The following CTNNA3 variants were observed in gnomAD, a reference collection of about 807,000 sequenced individuals.
CTNNA3 encodes catenin alpha 3, also known as catenin alpha-3.
CTNNA3 carries 76 observed loss-of-function variants against 95.7 expected under a neutral mutation model. The ratio of observed to expected loss-of-function variants is 0.79; its 90% CI spans 0.66 to 0.96. The LOEUF is 0.96. Among genes scored for constraint, CTNNA3 ranks in the 40% least tolerant of loss-of-function variants. The pLI, the probability that CTNNA3 is intolerant of heterozygous loss-of-function variation, is 0.00. For synonymous variants in CTNNA3, 431 were observed against 374.4 expected (o/e 1.15, Z -1.74); for missense variants, 1,191 against 1,089.8 (o/e 1.09, Z -1.31).
intron 12 of CTNNA3, among the ~76,000 whole-genome samples, chr10:66,314,010 A>G (rs1286275213): frequency 6.6e-6 from 1 of 152,202 alleles, no homozygotes; most frequent in Non-Finnish European, 1.5e-5. Flanking sequence ...TGGCCCAGAA[A>G]CTTTAGGTCT....
At chr10:67,403,248 A>C (rs1214298692) in intron 5 of CTNNA3, 1 of 152,322 alleles carries the variant, frequency 6.6e-6, no homozygotes, top group African/African-American at 2.4e-5. Context: ...AGGACTTCCC[A>C]ATAGGGACCT....
intron 7 of CTNNA3, among the ~76,000 whole-genome samples, chr10:67,027,625 C>A (rs1853474412): frequency 6.6e-6 from 1 of 151,788 alleles, no homozygotes; most frequent in African/African-American, 2.4e-5. Context: ...TTAGTAGAGA[C>A]AGGGTTTCAC....
intron 14 of CTNNA3, among the ~76,000 whole-genome samples, chr10:66,077,869 T>G (rs1037313936): frequency 2.0e-5 from 3 of 151,784 alleles, no homozygotes; most frequent in African/African-American, 7.2e-5. Context: ...TAAAATTATA[T>G]GTATATATAA....
At chr10:66,652,472 T>G (rs1845945085) in intron 9 of CTNNA3, among the ~76,000 whole-genome samples, 1 of 151,968 alleles carries the variant, frequency 6.6e-6, no homozygotes, top group African/African-American at 2.4e-5. Context: ...AAACTCATAA[T>G]GAGTAAGAAG....
At chr10:66,951,003 C>T (rs1056448985) in intron 7 of CTNNA3, among the ~76,000 whole-genome samples, 1 of 151,870 alleles carries the variant, frequency 6.6e-6, no homozygotes, top group Non-Finnish European at 1.5e-5. Flanking sequence ...AGATGGTATG[C>T]TTATTTAAAT....
intron 11 of CTNNA3, among the ~76,000 whole-genome samples, chr10:66,463,356 T>G (rs1209487065): frequency 1.3e-5 from 2 of 152,120 alleles, no homozygotes; most frequent in African/African-American, 4.8e-5. Flanking sequence ...CCCCTTCACC[T>G]TCCTCCACAA....
intron 7 of CTNNA3, among the ~76,000 whole-genome samples, chr10:66,784,987 A>T (rs12762274): frequency 3.3e-5 from 5 of 152,302 alleles, no homozygotes; most frequent in Non-Finnish European, 5.9e-5. Flanking sequence ...ATGAATAAGC[A>T]GAAAAAGATG....
intron 7 of CTNNA3, among the ~76,000 whole-genome samples, chr10:67,148,559 C>G (rs1860944851): frequency 6.6e-6 from 1 of 152,182 alleles, no homozygotes; most frequent in East Asian, 1.9e-4. Context: ...CAGGCTTGTC[C>G]TTACTGTAAT....
rs2077025935 is a variant in CTNNA3, at chr10:65,917,837, C to A, written c.*2493G>T. The A allele has an allele frequency of 6.6e-6, 1 of 152,080 alleles. No individual in the cohort carries two copies. The highest frequency in any genetic ancestry group is 2.4e-5 in the African/African-American group (1 of 41,404). The allele number at this position is 152,080 out of a possible 1,614,324, so 9.4% of individuals were successfully genotyped here. A position where few individuals can be genotyped will look rare whatever the true frequency, so the allele number is the denominator to read the frequency against. On this transcript the variant is annotated 3_prime_UTR_variant, in exon 18 of 18. Coordinates refer to ENST00000433211, the MANE Select transcript of CTNNA3 (RefSeq NM_013266.4). ...AATGGGGAGATTTATTCATATCTTG[C>A]TGCTAGTTTTTCTTGCATATAAGCA...
At chr10:66,571,879 T>G (rs1842876870) in intron 10 of CTNNA3, among the ~76,000 whole-genome samples, 1 of 152,164 alleles carries the variant, frequency 6.6e-6, no homozygotes, top group Non-Finnish European at 1.5e-5. Flanking sequence ...ATGCAGATGA[T>G]TAATTTGTAT....
chr10:67,126,708 G>A (rs926765995), intron 7 of CTNNA3, among the ~76,000 whole-genome samples: 3 of 152,238 alleles, frequency 2.0e-5, no homozygotes, highest in Non-Finnish European at 4.4e-5. Context: ...TTAAGAGATA[G>A]GTGGTGGTTG....
intron 1 of CTNNA3, among the ~76,000 whole-genome samples, chr10:67,714,213 C>T (rs542362137): frequency 1.3e-5 from 2 of 152,278 alleles, no homozygotes; most frequent in Non-Finnish European, 2.9e-5. Flanking sequence ...ACAGCTTGCA[C>T]CATCCATGCA....
intron 9 of CTNNA3, among the ~76,000 whole-genome samples, chr10:66,759,658 T>C (rs1365873553): frequency 6.6e-6 from 1 of 152,212 alleles, no homozygotes; most frequent in East Asian, 1.9e-4. Flanking sequence ...CTCAACTTGC[T>C]CATTATCTAC....
At chr10:67,726,601 C>T (rs1271782654) in intron 1 of CTNNA3, among the ~76,000 whole-genome samples, 311 of 22,248 alleles carry the variant, frequency 0.014, 7 homozygotes, top group African/African-American at 0.05. Flanking sequence ...TATTATATTA[C>T]ATATTATATA....
intron 1 of CTNNA3, among the ~76,000 whole-genome samples, chr10:67,708,688 G>C (rs1841090908): frequency 6.6e-6 from 1 of 152,066 alleles, no homozygotes; most frequent in African/African-American, 2.4e-5. Flanking sequence ...TTTTCTGTTT[G>C]TGCAAATGTA....
At chr10:65,942,057 G>A (rs2077439061) in intron 17 of CTNNA3, among the ~76,000 whole-genome samples, 5 of 152,094 alleles carry the variant, frequency 3.3e-5, no homozygotes, top group Admixed American at 3.3e-4. Context: ...TTTCACAAGG[G>A]TGTTTACTCA....
chr10:67,184,455 G>A (rs1053156965), intron 6 of CTNNA3, among the ~76,000 whole-genome samples: 2 of 152,094 alleles, frequency 1.3e-5, no homozygotes, highest in Admixed American at 6.5e-5. Context: ...AGCTTCTCCC[G>A]GAGCAACATT....
chr10:66,168,349 C>T (rs1359689597), intron 13 of CTNNA3, among the ~76,000 whole-genome samples: 2 of 75,680 alleles, frequency 2.6e-5, no homozygotes, highest in Admixed American at 1.7e-4. Context: ...TTAAGGTATC[C>T]ATTTATTATT....
At chr10:65,942,081 T>C (rs2133179822) in intron 17 of CTNNA3, among the ~76,000 whole-genome samples, 1 of 152,374 alleles carries the variant, frequency 6.6e-6, no homozygotes, top group Admixed American at 6.5e-5. Context: ...GAGTACATTT[T>C]ACTAGATTTC....
Sources: gnomAD v4.1 joint callset for allele counts (sites outside exome capture counted in the v4.1 genomes callset) on GRCh38, gnomAD v4.1.1 for gene constraint, MANE v1.5 for transcripts, NCBI Gene and HGNC (gene_info 2026-07-23, HGNC 2026-07-21) for gene names.